Variants in L3MBTL4 observed in about 807,000 individuals in gnomAD.
L3MBTL4 encodes the protein lethal(3)malignant brain tumor-like protein 4.
L3MBTL4 carries 70 observed loss-of-function variants against 84.5 expected under a neutral mutation model. The observed-to-expected ratio is 0.83, with a 90% CI of 0.68 to 1.01. The LOEUF (loss-of-function observed/expected upper bound fraction) is 1.01, where lower values mean the gene tolerates loss of function less well. Ranked by LOEUF, L3MBTL4 falls within the 50% of genes least tolerant of loss-of-function variation. The pLI is 0.00. For missense variants in L3MBTL4, 715 were observed against 754.8 expected (o/e 0.95, Z 0.62); for synonymous variants, 274 against 259.8 (o/e 1.05, Z -0.52).
intron 1 of L3MBTL4, among the ~76,000 whole-genome samples, chr18:6,338,918 C>T (rs1406561441): frequency 1.3e-5 from 2 of 151,972 alleles, no homozygotes; most frequent in South Asian, 2.1e-4. Flanking sequence ...AAAAGAACAC[C>T]TCATAAGTAT....
chr18:6,006,925 CATG>C (rs1244426129), intron 16 of L3MBTL4, among the ~76,000 whole-genome samples: 1 of 152,072 alleles, frequency 6.6e-6, no homozygotes, highest in Non-Finnish European at 1.5e-5. Flanking sequence ...TCATAGCTGA[CATG>C]ATATTACAGG....
At chr18:6,383,122 T>C (rs376235897) in intron 1 of L3MBTL4, among the ~76,000 whole-genome samples, 8 of 152,220 alleles carry the variant, frequency 5.3e-5, no homozygotes, top group African/African-American at 1.9e-4. Flanking sequence ...AGGGTAAAAC[T>C]GCCTACTCAA....
intron 16 of L3MBTL4, among the ~76,000 whole-genome samples, chr18:6,048,033 A>AAC (rs2056694961): frequency 6.6e-6 from 1 of 152,248 alleles, no homozygotes. Context: ...AGCCTCCTAG[A>AAC]ACAGGTAAAC....
chr18:6,030,657 C>G (rs1057504770), intron 16 of L3MBTL4: 13 of 930,758 alleles, frequency 1.4e-5, no homozygotes, highest in Non-Finnish European at 1.7e-5. Context: ...TGCCACCACA[C>G]CCGGCTAATT....
intron 1 of L3MBTL4, among the ~76,000 whole-genome samples, chr18:6,392,226 A>G (rs978163608): frequency 2.0e-5 from 3 of 152,230 alleles, no homozygotes; most frequent in African/African-American, 7.2e-5. Context: ...ATACAGCAAC[A>G]TAAATTGGAG....
intron 12 of L3MBTL4, among the ~76,000 whole-genome samples, chr18:6,180,025 C>T (rs116444852): frequency 6.6e-6 from 1 of 152,256 alleles, no homozygotes; most frequent in African/African-American, 2.4e-5. Context: ...TTGCCAAGAT[C>T]ATAAGCCAGT....
chr18:6,056,799 A>C (rs1426434968), intron 16 of L3MBTL4, among the ~76,000 whole-genome samples: 1 of 152,192 alleles, frequency 6.6e-6, no homozygotes, highest in Non-Finnish European at 1.5e-5. Flanking sequence ...CAACTCTGTC[A>C]TTATTGAGCT....
chr18:6,352,749 T>C (rs1429874641), intron 1 of L3MBTL4, among the ~76,000 whole-genome samples: 1 of 152,192 alleles, frequency 6.6e-6, no homozygotes, highest in African/African-American at 2.4e-5. Context: ...ATTTCTTAGC[T>C]GTCTTTCCTA....
At chr18:5,989,376 C>T (rs1336595207) in intron 16 of L3MBTL4, among the ~76,000 whole-genome samples, 1 of 151,214 alleles carries the variant, frequency 6.6e-6, no homozygotes, top group Non-Finnish European at 1.5e-5. Flanking sequence ...CAGAATGCAG[C>T]ATGAGCAGTA....
At chr18:6,260,750 G>T (rs2048363196) in intron 5 of L3MBTL4, 1 of 152,154 alleles carries the variant, frequency 6.6e-6, no homozygotes, top group Non-Finnish European at 1.5e-5. Context: ...GTCAAAAGCT[G>T]AAGCGTTCCA....
At chr18:6,053,129 C>A (rs1242893314) in intron 16 of L3MBTL4, among the ~76,000 whole-genome samples, 1 of 152,158 alleles carries the variant, frequency 6.6e-6, no homozygotes, top group Admixed American at 6.5e-5. Context: ...CTTCACAATA[C>A]ACTATGCTAA....
chr18:6,084,419 T>TA (rs151102372), intron 15 of L3MBTL4, among the ~76,000 whole-genome samples: 147 of 149,154 alleles, frequency 9.9e-4, no homozygotes, highest in African/African-American at 3.3e-3. Context: ...TTCTAGAAGT[T>TA]AAAAAAAAAA....
At chr18:6,164,241 T>C (rs1189285275) in intron 13 of L3MBTL4, among the ~76,000 whole-genome samples, 1 of 152,202 alleles carries the variant, frequency 6.6e-6, no homozygotes, top group Non-Finnish European at 1.5e-5. Flanking sequence ...CTCTGTAGGC[T>C]CCACCTCTGG....
At chr18:6,221,748 A>T (rs370411757) in intron 10 of L3MBTL4, among the ~76,000 whole-genome samples, 141 of 152,208 alleles carry the variant, frequency 9.3e-4, no homozygotes, top group African/African-American at 3.3e-3. Flanking sequence ...TCATTTTAAG[A>T]ACCTGAATTA....
intron 15 of L3MBTL4, among the ~76,000 whole-genome samples, chr18:6,090,427 A>C (rs1238433647): frequency 4.6e-5 from 7 of 152,066 alleles, no homozygotes; most frequent in Non-Finnish European, 1.0e-4. Flanking sequence ...GTTTTTTAAA[A>C]ATAATCAAAA....
At position 6,239,803 on chromosome 18, in the gene L3MBTL4, A is replaced by G. The variant is rs888768449; in HGVS notation, c.622T>C (p.Leu208=). ...TCTGCTATGGTCGCCACACACACCA[A>G]GGAAGGGTTCTTCCTGTCCACGGCC... is the stretch of plus-strand genomic sequence containing the variant. ...LEAVDRKNPS[L]VCVATIADIV... The change falls in exon 9 of 19, where the codon TTG becomes CTG. Residue 208 remains leucine (L), a synonymous_variant. Transcript: ENST00000317931. 1.2e-6 allele frequency: 2 copies of G among 1,614,098 alleles called. No homozygotes were observed. Among genetic ancestry groups the G allele is most frequent in the Non-Finnish European group, 8.5e-7 (1 of 1,180,040 alleles).
At chr18:6,020,633 G>A (rs1052363565) in intron 16 of L3MBTL4, among the ~76,000 whole-genome samples, 1 of 152,208 alleles carries the variant, frequency 6.6e-6, no homozygotes, top group Non-Finnish European at 1.5e-5. Flanking sequence ...GCACTAGGTT[G>A]CAAAAGCAGA....
At chr18:6,165,844 T>A (rs2043622550) in intron 13 of L3MBTL4, among the ~76,000 whole-genome samples, 1 of 152,162 alleles carries the variant, frequency 6.6e-6, no homozygotes, top group African/African-American at 2.4e-5. Flanking sequence ...TAACCTTAAA[T>A]GTAAATCGGC....
chr18:5,970,975 A>G (rs188956962), intron 16 of L3MBTL4, among the ~76,000 whole-genome samples: 7 of 152,334 alleles, frequency 4.6e-5, no homozygotes, highest in East Asian at 3.9e-4. Context: ...ACACAGATAA[A>G]GAGACAGCAA....
Sources: gnomAD v4.1 joint callset for allele counts (sites outside exome capture counted in the v4.1 genomes callset) on GRCh38, gnomAD v4.1.1 for gene constraint, MANE v1.5 for transcripts, NCBI Gene and HGNC (gene_info 2026-07-23, HGNC 2026-07-21) for gene names.